The following EML2 variants were observed in gnomAD, a reference collection of about 807,000 sequenced individuals.
EML2 encodes echinoderm microtubule-associated protein-like 2.
Under a neutral mutation model 84.7 loss-of-function variants are expected in EML2, and 59 were observed. The observed-to-expected ratio is 0.70, with a 90% CI of 0.56 to 0.86. The LOEUF (loss-of-function observed/expected upper bound fraction) is 0.86, where lower values mean the gene tolerates loss of function less well. Ranked by LOEUF, EML2 falls within the 40% of genes least tolerant of loss-of-function variation. The probability of loss-of-function intolerance (pLI) is 0.00; values close to 1 mark genes in which losing one functional copy is unlikely to be tolerated. For missense variants in EML2, 818 were observed against 855.6 expected (o/e 0.96, Z 0.55); for synonymous variants, 352 against 348.9 (o/e 1.01, Z -0.10).
chr19:45,643,490 C>T (rs1217954753), upstream of EML2: 9 of 1,502,488 alleles, frequency 6.0e-6, no homozygotes, highest in Non-Finnish European at 8.1e-6. Context: ...CTCCCCGAGT[C>T]GCCCCCCCAA....
chr19:45,633,463 T>A (rs1600191998), intron 4 of EML2, among the ~76,000 whole-genome samples: 1 of 151,182 alleles, frequency 6.6e-6, no homozygotes, highest in African/African-American at 2.4e-5. Flanking sequence ...TTCAGTTTTT[T>A]TTTTTTTTAA....
At chr19:45,614,937 T>C (rs1970862018) in intron 16 of EML2, 1 of 430,408 alleles carries the variant, frequency 2.3e-6, no homozygotes, top group Non-Finnish European at 4.3e-6. Context: ...GGCTCACGTC[T>C]GTAATCCCAG....
upstream of EML2, chr19:45,641,893 T>C: frequency 1.4e-6 from 2 of 1,455,438 alleles, no homozygotes; most frequent in Non-Finnish European, 1.8e-6. Context: ...TGGAAGAGGC[T>C]GGGGGTCCCG....
chr19:45,636,148 A>C (rs1408529440), intron 3 of EML2, among the ~76,000 whole-genome samples: 2 of 151,874 alleles, frequency 1.3e-5, no homozygotes, highest in Admixed American at 6.6e-5. Context: ...TTTTTTGTAT[A>C]TTTTTGGTAA....
intron 8 of EML2, 128 bp downstream of exon 8, chr19:45,626,577 G>A: frequency 9.4e-7 from 1 of 1,066,750 alleles, no homozygotes; most frequent in South Asian, 1.7e-5. Flanking sequence ...TGAGGCCCCA[G>A]CAGGCAACAT....
intron 18 of EML2, among the ~76,000 whole-genome samples, chr19:45,609,995 A>C (rs1970320139): frequency 6.6e-6 from 1 of 151,880 alleles, no homozygotes. Context: ...TCAGTCTCCC[A>C]AGAAGTAGCT....
chr19:45,634,317 C>T lies in EML2; in HGVS notation c.329+5G>A. The T allele has an allele frequency of 6.2e-7, 1 of 1,613,032 alleles. No individual in the cohort carries two copies. Among genetic ancestry groups the T allele is most frequent in the Non-Finnish European group, 8.5e-7 (1 of 1,179,316 alleles). On this transcript the variant is annotated splice_donor_5th_base_variant and intron_variant, in intron 4 of 18. Coordinates refer to ENST00000245925, the MANE Select transcript of EML2 (RefSeq NM_012155.4). ...CCCTCCCGTCCCCTCTGTCCCACAT[C>T]TCACCATTTGATGTCATCGTTGTGT...
At chr19:45,623,782 C>G (rs1364040609) in intron 9 of EML2, among the ~76,000 whole-genome samples, 2 of 152,096 alleles carry the variant, frequency 1.3e-5, no homozygotes, top group Non-Finnish European at 2.9e-5. Context: ...AACTCCTGAC[C>G]TCATGTGATC....
chr19:45,637,645 AT>A (rs138008307), intron 3 of EML2, among the ~76,000 whole-genome samples: 26,967 of 79,854 alleles, frequency 0.34, 3,151 homozygotes, highest in Middle Eastern at 0.43. Context: ...ATGGCTGGCT[AT>A]TTTTTTTTTC....
intron 4 of EML2, 50 bp from the exon 5 acceptor site, chr19:45,633,189 C>T (rs1438996655): frequency 6.4e-7 from 1 of 1,555,108 alleles, no homozygotes; most frequent in African/African-American, 1.4e-5. Context: ...AGAGAAGAGG[C>T]TCACAGAGAC....
chr19:45,642,393 G>GT (rs1974620896), upstream of EML2: 1 of 1,520,038 alleles, frequency 6.6e-7, no homozygotes, highest in African/African-American at 1.4e-5. Context: ...CCACCCAGGA[G>GT]CTCCAGTGCC....
upstream of EML2, chr19:45,642,121 C>G (rs1227819902): frequency 2.7e-6 from 4 of 1,489,226 alleles, no homozygotes; most frequent in Non-Finnish European, 3.6e-6. Flanking sequence ...CCCCTCCAGT[C>G]TAACGGGGAT....
At chr19:45,642,329 C>A, upstream of EML2, 1 of 1,532,798 alleles carries the variant, frequency 6.5e-7, no homozygotes, top group Non-Finnish European at 8.7e-7. Context: ...ACTTCCATAC[C>A]GCTCGTGCCC....
chr19:45,632,732 C>T (rs894144069), intron 6 of EML2, 129 bp downstream of exon 6: 1 of 753,766 alleles, frequency 1.3e-6, no homozygotes, highest in Non-Finnish European at 2.2e-6. Context: ...CTCATTGTGA[C>T]GTCACAGAGG....
Position 45,634,404 on chromosome 19 carries a change from A to G in EML2, c.247T>C (p.Phe83Leu), listed in dbSNP as rs1973460691. 2 of 1,613,954 alleles carry G rather than the reference A, an allele frequency of 1.2e-6. No individual in the cohort carries two copies. Among genetic ancestry groups the G allele is most frequent in the African/African-American group, 1.3e-5 (1 of 74,896 alleles). The change falls in exon 4 of 19, where the codon TTT (phenylalanine) becomes CTT (leucine). Residue 83 changes from phenylalanine to leucine, a missense_variant. Transcript: ENST00000245925. ...TATAGCACGGCTACGGAGGCCACAAAGTACACTATCTCCCCGGTGGGCAGC... is the reference window on the plus strand; with the variant it reads ...TATAGCACGGCTACGGAGGCCACAAGGTACACTATCTCCCCGGTGGGCAGC... ...YLLPTGEIVY[F>L]VASVAVLYSV...
At chr19:45,619,008 G>C (rs1202022977) in intron 12 of EML2, 52 bp downstream of exon 12, 3 of 1,530,910 alleles carry the variant, frequency 2.0e-6, no homozygotes, top group East Asian at 2.3e-5. Flanking sequence ...CTGACACAGG[G>C]GGAAAGGTAG....
intron 18 of EML2, among the ~76,000 whole-genome samples, chr19:45,611,209 A>G (rs1970459026): frequency 1.3e-5 from 2 of 152,102 alleles, no homozygotes; most frequent in Non-Finnish European, 2.9e-5. Flanking sequence ...TGGGGGTTCA[A>G]GACCAGCCTG....
At chr19:45,641,477 C>G, upstream of EML2, 1 of 663,984 alleles carries the variant, frequency 1.5e-6, no homozygotes, top group Non-Finnish European at 2.5e-6. Flanking sequence ...CCACTGTTAC[C>G]GTGCCACCTC....
At chr19:45,613,483 T>C in intron 18 of EML2, 58 bp downstream of exon 18, 1 of 1,592,972 alleles carries the variant, frequency 6.3e-7, no homozygotes, top group Non-Finnish European at 8.6e-7. Flanking sequence ...GCTGCCTGAA[T>C]TTTGTCCCCA....
Sources: gnomAD v4.1 joint callset for allele counts (sites outside exome capture counted in the v4.1 genomes callset) on GRCh38, gnomAD v4.1.1 for gene constraint, MANE v1.5 for transcripts, NCBI Gene and HGNC (gene_info 2026-07-23, HGNC 2026-07-21) for gene names.